The following XPO4 variants were observed in gnomAD, a reference collection of about 807,000 sequenced individuals.
The protein encoded by XPO4 is exportin 4.
In XPO4, 39 loss-of-function variants were observed where a neutral mutation model predicts 143.0. That is an observed-to-expected ratio of 0.27 (90% CI 0.21 to 0.36). XPO4 has a LOEUF of 0.36. Ranked by LOEUF, XPO4 falls within the 10% of genes least tolerant of loss-of-function variation. The pLI is 1.00. For synonymous variants in XPO4, 439 were observed against 474.0 expected, an observed-to-expected ratio of 0.93 and a Z score of 0.96; for missense variants, 907 against 1,348.0, an observed-to-expected ratio of 0.67 and a Z score of 5.12.
chr13:20,902,369 G>T, intron 1 of XPO4: 1 of 985,402 alleles, frequency 1.0e-6, no homozygotes, highest in Non-Finnish European at 1.2e-6. Flanking sequence ...CTTGCTCTGC[G>T]ACCCAGTCTG....
At chr13:20,863,843 A>G (rs1477959339) in intron 2 of XPO4, among the ~76,000 whole-genome samples, 1 of 152,224 alleles carries the variant, frequency 6.6e-6, no homozygotes, top group East Asian at 1.9e-4. Context: ...CTTCAAGAAT[A>G]TATCAGAAGA....
At chr13:20,801,266 A>G (rs2059429204) in intron 13 of XPO4, among the ~76,000 whole-genome samples, 2 of 152,224 alleles carry the variant, frequency 1.3e-5, no homozygotes, top group Admixed American at 1.3e-4. Context: ...ATTACTAGCT[A>G]AAGAGAATTT....
chr13:20,807,802 ATAAG>A (rs2059526599), intron 12 of XPO4, among the ~76,000 whole-genome samples, 168 bp from the exon 13 acceptor site: 2 of 152,158 alleles, frequency 1.3e-5, no homozygotes, highest in South Asian at 4.1e-4. Context: ...TATGTCTCAG[ATAAG>A]TAACCCTCAA....
At chr13:20,786,324 T>C (rs1167540161) in intron 22 of XPO4, among the ~76,000 whole-genome samples, 4 of 150,934 alleles carry the variant, frequency 2.7e-5, no homozygotes, top group African/African-American at 7.3e-5. Flanking sequence ...TATATATATA[T>C]ATATGTACCT....
chr13:20,799,870 A>G (rs939631563), intron 15 of XPO4, among the ~76,000 whole-genome samples: 14 of 152,244 alleles, frequency 9.2e-5, no homozygotes, highest in African/African-American at 3.4e-4. Flanking sequence ...ATTCCACATA[A>G]AAGTGTTTGC....
chr13:20,826,094 A>T (rs576737794), intron 7 of XPO4, among the ~76,000 whole-genome samples: 3 of 152,334 alleles, frequency 2.0e-5, no homozygotes, highest in African/African-American at 7.2e-5. Flanking sequence ...CCACGTCATT[A>T]TATCTAATTA....
intron 3 of XPO4, among the ~76,000 whole-genome samples, chr13:20,861,503 C>T (rs1349758446): frequency 6.6e-6 from 1 of 151,868 alleles, no homozygotes; most frequent in African/African-American, 2.4e-5. Flanking sequence ...ACCATGTTGG[C>T]CAGGCTGGTC....
At chr13:20,830,336 T>G (rs866080888) in intron 6 of XPO4, among the ~76,000 whole-genome samples, 31 of 152,288 alleles carry the variant, frequency 2.0e-4, no homozygotes, top group African/African-American at 5.8e-4. Context: ...ATTCCAAACC[T>G]GGAAAGGATT....
chr13:20,831,918 C>G (rs2059858412), intron 6 of XPO4, among the ~76,000 whole-genome samples: 1 of 147,492 alleles, frequency 6.8e-6, no homozygotes, highest in African/African-American at 2.5e-5. Flanking sequence ...AACCAATCTT[C>G]TAAGCTCATT....
At chr13:20,856,560 C>T (rs748571000) in intron 3 of XPO4, among the ~76,000 whole-genome samples, 1 of 152,196 alleles carries the variant, frequency 6.6e-6, no homozygotes, top group Non-Finnish European at 1.5e-5. Flanking sequence ...TGGAATAAAC[C>T]CAAACCCCTT....
chr13:20,813,779 G>A (rs373255653), intron 9 of XPO4, among the ~76,000 whole-genome samples: 29 of 152,124 alleles, frequency 1.9e-4, no homozygotes, highest in East Asian at 1.4e-3. Flanking sequence ...CCAACATGGC[G>A]AAACTCCGTC....
chr13:20,788,643 G>T, intron 19 of XPO4, 27 bp from the exon 20 acceptor site: 2 of 1,566,772 alleles, frequency 1.3e-6, no homozygotes, highest in South Asian at 1.2e-5. Context: ...CAATTATTTG[G>T]ATGCTCATTA....
chr13:20,838,403 A>T (rs1249696034), intron 6 of XPO4, among the ~76,000 whole-genome samples: 2 of 151,682 alleles, frequency 1.3e-5, no homozygotes, highest in African/African-American at 4.8e-5. Context: ...AGGTCAGGAG[A>T]TCAAGACCAT....
intron 1 of XPO4, among the ~76,000 whole-genome samples, chr13:20,881,516 C>T (rs9509413): frequency 0.35 from 53,486 of 151,876 alleles, 11,276 homozygotes; most frequent in Non-Finnish European, 0.48. Flanking sequence ...ATGATCCCCC[C>T]GCCTCAGCCT....
chr13:20,800,921 T>C lies in XPO4; in HGVS notation c.1887A>G (p.Leu629=). Residue 629 remains leucine, a synonymous_variant, in exon 14 of 23, where the codon CTA becomes CTG. Transcript: ENST00000255305. ...SRAIRADLTH[L]LSPQMGKDIV... ...TATCTTTGCCCATCTGGGGACTTAG[T>C]AGATGAGTGAGATCTGCTCTTATTG... is the stretch of plus-strand genomic sequence containing the variant. 3.7e-6 allele frequency: 6 copies of C among 1,614,082 alleles called. No individual in the cohort carries two copies. The highest frequency in any genetic ancestry group is 5.1e-6 in the Non-Finnish European group (6 of 1,179,974).
At chr13:20,810,071 G>A (rs1355607958) in intron 9 of XPO4, 104 bp from the exon 10 acceptor site, 2 of 937,978 alleles carry the variant, frequency 2.1e-6, no homozygotes, top group East Asian at 2.8e-5. Flanking sequence ...TCCTTTAACA[G>A]AGCTTCCCAA....
intron 13 of XPO4, among the ~76,000 whole-genome samples, chr13:20,804,195 CTATATATATACACACATTATATA>C (rs2059473410): frequency 6.7e-6 from 1 of 149,666 alleles, no homozygotes; most frequent in Non-Finnish European, 1.5e-5. Context: ...CTATATATAT[CTATATATATACACACATTATATA>C]TATATACACA....
intron 1 of XPO4, among the ~76,000 whole-genome samples, chr13:20,885,056 C>T (rs1031975939): frequency 1.3e-5 from 2 of 151,868 alleles, no homozygotes; most frequent in Admixed American, 6.6e-5. Flanking sequence ...CTCCACCTCC[C>T]GGGTTCAAGC....
intron 3 of XPO4, chr13:20,857,963 T>C: frequency 1.0e-6 from 1 of 985,304 alleles, no homozygotes; most frequent in Non-Finnish European, 1.2e-6. Context: ...ACATTATTTA[T>C]GTAATAGTCT....
Sources: allele counts gnomAD v4.1 joint callset (sites outside exome capture counted in the v4.1 genomes callset), GRCh38; gene constraint gnomAD v4.1.1; transcripts MANE v1.5; gene names NCBI Gene and HGNC (gene_info 2026-07-23, HGNC 2026-07-21).